The following SMARCC1 variants were observed in gnomAD, a reference collection of about 807,000 sequenced individuals.
SMARCC1 encodes SWI/SNF related BAF chromatin remodeling complex subunit C1, also known as SWI/SNF complex subunit SMARCC1.
Under a neutral mutation model 147.4 loss-of-function variants are expected in SMARCC1, and 43 were observed. The ratio of observed to expected loss-of-function variants is 0.29; its 90% confidence interval spans 0.23 to 0.38. The LOEUF is 0.38. SMARCC1 is among the 10% of genes least tolerant of loss of function. The pLI is 1.00. For synonymous variants in SMARCC1, 495 were observed against 484.4 expected (o/e 1.02, Z -0.29); for missense variants, 1,119 against 1,381.1 (o/e 0.81, Z 3.01).
chr3:47,690,100 A>G lies in SMARCC1; in HGVS notation c.1226-676T>C, dbSNP rs564717150. ...GCTGGGTGCAGCAGTGCACATCTAC[A>G]GTCCCAGATACTCTGGAGACTGAAG... On this transcript the variant is annotated intron_variant, in intron 12 of 27. Transcript: ENST00000254480. 2.0e-5 allele frequency among the ~76,000 whole-genome samples: 3 copies of G among 152,300 alleles called. No homozygotes were observed. The East Asian group carries it at 5.8e-4, about 29-fold the overall frequency.
chr3:47,669,867 T>G (rs953594106), intron 19 of SMARCC1, among the ~76,000 whole-genome samples: 1 of 152,210 alleles, frequency 6.6e-6, no homozygotes, highest in African/African-American at 2.4e-5. Context: ...CCACTCTATG[T>G]GGTCTGGGAA....
rs368184123 is a variant in SMARCC1, at chr3:47,594,179, G to A, written c.3044-3342C>T. On this transcript the variant is annotated intron_variant, in intron 26 of 27. Coordinates refer to ENST00000254480, the MANE Select transcript of SMARCC1 (RefSeq NM_003074.4). ...AAACTCCAAAAAAAAAAAAAAATAG[G>A]AATTAGGGTAGTCCAGTCTTCTAGG... Among the ~76,000 whole-genome samples, 18 of 151,356 alleles carry A rather than the reference G, an allele frequency of 1.2e-4. No individual in the cohort carries two copies. The East Asian group carries it at 1.6e-3, about 13-fold the overall frequency.
chr3:47,767,269 C>T (rs1300799170), intron 2 of SMARCC1, among the ~76,000 whole-genome samples: 2 of 125,660 alleles, frequency 1.6e-5, no homozygotes, highest in Non-Finnish European at 3.3e-5. Context: ...GATGGAGTTT[C>T]GCTCTTGTTG....
At chr3:47,715,451 ATCAAACCAAC>A (rs1448538781) in intron 7 of SMARCC1, among the ~76,000 whole-genome samples, 1 of 152,162 alleles carries the variant, frequency 6.6e-6, no homozygotes, top group African/African-American at 2.4e-5. Context: ...ACATCCTGTA[ATCAAACCAAC>A]TGCAAATGTG....
chr3:47,639,594 GC>G (rs2033022453), intron 21 of SMARCC1, among the ~76,000 whole-genome samples: 1 of 151,990 alleles, frequency 6.6e-6, no homozygotes, highest in Admixed American at 6.6e-5. Flanking sequence ...TGCACCTATA[GC>G]CCTAGTTACT....
At chr3:47,718,778 T>A (rs977897593) in intron 7 of SMARCC1, among the ~76,000 whole-genome samples, 1 of 151,522 alleles carries the variant, frequency 6.6e-6, no homozygotes, top group Admixed American at 6.6e-5. Context: ...ACAATGAAAA[T>A]CTCCACTTTA....
intron 9 of SMARCC1, among the ~76,000 whole-genome samples, chr3:47,707,906 A>T (rs2034028129): frequency 6.6e-6 from 1 of 151,994 alleles, no homozygotes; most frequent in African/African-American, 2.4e-5. Context: ...TCCATGAATT[A>T]AACATTAATT....
At chr3:47,742,618 T>C (rs2034522250) in intron 3 of SMARCC1, among the ~76,000 whole-genome samples, 2 of 152,214 alleles carry the variant, frequency 1.3e-5, no homozygotes, top group African/African-American at 2.4e-5. Context: ...ACAGGGTCTC[T>C]GTCACCCAGG....
rs191391556 is a variant in SMARCC1 at position 47,619,288 on chromosome 3, C to T, written c.2781+2919G>A. Among the ~76,000 whole-genome samples, 17 of 152,300 alleles carry T rather than the reference C, an allele frequency of 1.1e-4. No homozygotes were observed. In the East Asian group the frequency reaches 3.3e-3, roughly 29 times the overall value. On this transcript the variant is annotated intron_variant, in intron 25 of 27. Transcript: ENST00000254480. ...ATTATCCTTTCCACTTTCCCAACTACGGCAACAATGCTGGCACGCACTCAT... is the reference window on the plus strand; with the variant it reads ...ATTATCCTTTCCACTTTCCCAACTATGGCAACAATGCTGGCACGCACTCAT...
At position 47,714,406 on chromosome 3, in the gene SMARCC1, A is replaced by T; in HGVS notation, c.792+9T>A. The stretch of plus-strand genomic sequence containing the variant: ...ATTATTGTAAGATTTTTTTTGTTAA[A>T]TCATTTACCTTCCATGGTTTTTCTG... On this transcript the variant is annotated intron_variant, in intron 8 of 27. Coordinates refer to ENST00000254480, the MANE Select transcript of SMARCC1 (RefSeq NM_003074.4). 1 of 1,524,898 alleles carries T rather than the reference A, an allele frequency of 6.6e-7. No individual in the cohort carries two copies. Among genetic ancestry groups the T allele is most frequent in the Non-Finnish European group, 9.0e-7 (1 of 1,106,800 alleles). The allele number at this position is 1,524,898 out of a possible 1,614,324, so 94.5% of individuals were successfully genotyped here.
At chr3:47,774,261 G>T (rs1347240778) in intron 1 of SMARCC1, among the ~76,000 whole-genome samples, 1 of 148,518 alleles carries the variant, frequency 6.7e-6, no homozygotes. Flanking sequence ...TTTTGAGATG[G>T]GGTCTTCTTC....
intron 16 of SMARCC1, among the ~76,000 whole-genome samples, chr3:47,677,103 T>C (rs534687143): frequency 6.6e-6 from 1 of 152,062 alleles, no homozygotes; most frequent in Non-Finnish European, 1.5e-5. Flanking sequence ...ATTAAAAAAA[T>C]CCGCATTTTT....
intron 2 of SMARCC1, among the ~76,000 whole-genome samples, chr3:47,756,400 G>T (rs1266624586): frequency 3.3e-5 from 5 of 151,918 alleles, no homozygotes; most frequent in African/African-American, 1.2e-4. Flanking sequence ...AGGCATGGTG[G>T]CGCATGCCTG....
intron 12 of SMARCC1, among the ~76,000 whole-genome samples, chr3:47,689,751 A>G (rs2033768229): frequency 1.3e-5 from 2 of 152,222 alleles, no homozygotes; most frequent in Non-Finnish European, 1.5e-5. Context: ...TTTTGCTAAA[A>G]TAACAACATT....
rs903144368 is a variant in SMARCC1 at position 47,691,215 on chromosome 3, A to G, written c.1226-1791T>C. On this transcript the variant is annotated intron_variant, in intron 12 of 27. Coordinates refer to ENST00000254480, the MANE Select transcript of SMARCC1 (RefSeq NM_003074.4). Reference sequence around the variant, plus strand: ...TCTTCCTCCTTTCAGATGTGAGAAAATATGCTCCACACCAAACACCTGAAT... The same window carrying G: ...TCTTCCTCCTTTCAGATGTGAGAAAGTATGCTCCACACCAAACACCTGAAT... Among the ~76,000 whole-genome samples the G allele has an allele frequency of 5.9e-5, 9 of 152,202 alleles. No individual in the cohort carries two copies. The East Asian group carries it at 1.5e-3, about 26-fold the overall frequency.
chr3:47,651,976 A>G (rs2033195908), intron 21 of SMARCC1, among the ~76,000 whole-genome samples: 1 of 152,038 alleles, frequency 6.6e-6, no homozygotes, highest in Non-Finnish European at 1.5e-5. Flanking sequence ...ATTTTGGTGT[A>G]AGGTTTTTGG....
chr3:47,636,786 A>ATG (rs771728075), intron 22 of SMARCC1, among the ~76,000 whole-genome samples: 1,821 of 140,864 alleles, frequency 0.013, 19 homozygotes, highest in Admixed American at 0.019. Context: ...CAAAATATAT[A>ATG]TATGTGTGTG....
chr3:47,619,164 C>G (rs961747205), intron 25 of SMARCC1, among the ~76,000 whole-genome samples: 1 of 152,222 alleles, frequency 6.6e-6, no homozygotes, highest in Non-Finnish European at 1.5e-5. Context: ...CCTTTCTGTT[C>G]CCATAGCAGC....
intron 20 of SMARCC1, among the ~76,000 whole-genome samples, chr3:47,661,681 G>C (rs1027859262): frequency 6.6e-6 from 1 of 151,902 alleles, no homozygotes; most frequent in African/African-American, 2.4e-5. Flanking sequence ...ACATCACAGA[G>C]CCTTGAAATA....
Sources: allele counts gnomAD v4.1 joint callset (sites outside exome capture counted in the v4.1 genomes callset), GRCh38; gene constraint gnomAD v4.1.1; transcripts MANE v1.5; gene names NCBI Gene and HGNC (gene_info 2026-07-23, HGNC 2026-07-21).